The following SMC4 variants were observed in gnomAD, a reference collection of about 807,000 sequenced individuals.
The protein encoded by SMC4 is structural maintenance of chromosomes 4.
SMC4 carries 87 observed loss-of-function variants against 145.6 expected under a neutral mutation model. That is an observed-to-expected ratio of 0.60 (90% CI 0.50 to 0.71). The LOEUF is 0.71. Among genes scored for constraint, SMC4 ranks in the 30% least tolerant of loss-of-function variants. SMC4 has a pLI of 0.00. For missense variants in SMC4, 1,447 were observed against 1,537.1 expected, an observed-to-expected ratio of 0.94 and a Z score of 0.98; for synonymous variants, 558 against 500.7, an observed-to-expected ratio of 1.11 and a Z score of -1.53.
chr3:160,433,740 C>T lies in SMC4; in HGVS notation c.3798C>T (p.Tyr1266=), dbSNP rs748430199. The part of the protein sequence containing the change: ...FEISDRLIGI[Y]KTYNITKSVA... ...TTTCGGATAGACTTATTGGAATTTA[C>T]AAGACATACAACATAACAAAAAGTG... Residue 1266 remains tyrosine, a synonymous_variant, in exon 24 of 24, where the codon TAC becomes TAT. Transcript: ENST00000357388. 6.3e-6 allele frequency: 10 copies of T among 1,598,078 alleles called. No homozygotes were observed. Among genetic ancestry groups the T allele is most frequent in the Middle Eastern group, 1.7e-4 (1 of 6,050 alleles).
chr3:160,427,010 A>C (rs1717862594), intron 17 of SMC4, among the ~76,000 whole-genome samples: 1 of 152,208 alleles, frequency 6.6e-6, no homozygotes, highest in Admixed American at 6.5e-5. Flanking sequence ...GCGATTATCC[A>C]ACTGCTCCAA....
chr3:160,421,361 T>C (rs1350539364), intron 13 of SMC4, among the ~76,000 whole-genome samples: 1 of 152,198 alleles, frequency 6.6e-6, no homozygotes, highest in Non-Finnish European at 1.5e-5. Flanking sequence ...TTATAAAAAA[T>C]TGTTTGACAT....
At chr3:160,430,317 A>AT (rs1271432444) in intron 18 of SMC4, among the ~76,000 whole-genome samples, 1 of 152,220 alleles carries the variant, frequency 6.6e-6, no homozygotes, top group Non-Finnish European at 1.5e-5. Context: ...TGACAAAAGA[A>AT]TTTGATAATC....
chr3:160,402,792 A>G lies in SMC4; in HGVS notation c.435A>G (p.Leu145=). The G allele has an allele frequency of 3.1e-6, 5 of 1,610,540 alleles. No homozygotes were observed. The highest frequency in any genetic ancestry group is 4.2e-6 in the Non-Finnish European group (5 of 1,179,210). ...TAAGATCTAAAAAACTCTCAGTATTAATACATAATTCTGATGAACACAAGG... is the reference window on the plus strand; with the variant it reads ...TAAGATCTAAAAAACTCTCAGTATTGATACATAATTCTGATGAACACAAGG... ...QKIRSKKLSV[L]IHNSDEHKDI... The change falls in exon 4 of 24, where the codon TTA becomes TTG. Residue 145 remains leucine (L), a synonymous_variant. Coordinates refer to ENST00000357388, the MANE Select transcript of SMC4 (RefSeq NM_001002800.3).
intron 7 of SMC4, chr3:160,412,765 C>T (rs1430779420): frequency 8.0e-6 from 7 of 872,350 alleles, no homozygotes; most frequent in South Asian, 4.6e-5. Context: ...CCTGTCATCC[C>T]GTTGATCACC....
chr3:160,412,901 T>C, intron 7 of SMC4: 1 of 735,856 alleles, frequency 1.4e-6, no homozygotes, highest in Non-Finnish European at 1.7e-6. Context: ...GTGTGCACTT[T>C]TTAAAATTCG....
At chr3:160,427,557 T>C (rs2108498171) in intron 17 of SMC4, among the ~76,000 whole-genome samples, 1 of 152,310 alleles carries the variant, frequency 6.6e-6, no homozygotes, top group South Asian at 2.1e-4. Flanking sequence ...TGCAAGAGTC[T>C]ATATGTGTTT....
intron 5 of SMC4, among the ~76,000 whole-genome samples, chr3:160,409,261 G>A (rs1236287990): frequency 9.2e-5 from 7 of 76,026 alleles, no homozygotes; most frequent in Admixed American, 4.1e-4. Context: ...GCGAAACTCC[G>A]TCTCAAAAAA....
intron 8 of SMC4, 121 bp downstream of exon 8, chr3:160,413,734 G>T (rs1216281722): frequency 8.0e-5 from 48 of 599,662 alleles, no homozygotes; most frequent in Middle Eastern, 4.9e-4. Context: ...TCAAGTGGTG[G>T]CCCCCTTAGT....
chr3:160,415,521 C>T (rs1223915983), intron 9 of SMC4, among the ~76,000 whole-genome samples: 1 of 152,208 alleles, frequency 6.6e-6, no homozygotes, highest in Non-Finnish European at 1.5e-5. Context: ...TTAGGCTCTA[C>T]TTTACGCTAT....
chr3:160,417,652 G>T (rs1716729006), intron 10 of SMC4, 71 bp from the exon 11 acceptor site: 2 of 1,155,608 alleles, frequency 1.7e-6, no homozygotes, highest in South Asian at 1.3e-5. Context: ...AATATAAAAT[G>T]TATGGTTTCA....
intron 5 of SMC4, chr3:160,404,707 C>A (rs377188987): frequency 1.4e-6 from 1 of 709,362 alleles, no homozygotes; most frequent in Non-Finnish European, 2.7e-6. Flanking sequence ...TTTTCATCAT[C>A]AGATGTTCGT....
At chr3:160,412,940 TTA>T (rs1716170313) in intron 7 of SMC4, 2 of 375,686 alleles carry the variant, frequency 5.3e-6, no homozygotes, top group African/African-American at 4.4e-5. Context: ...TTTTTTCAGC[TTA>T]TGATGAACTG....
At chr3:160,420,620 C>G in intron 12 of SMC4, 120 bp from the exon 13 acceptor site, 2 of 975,062 alleles carry the variant, frequency 2.1e-6, no homozygotes, top group Non-Finnish European at 3.1e-6. Flanking sequence ...CCCTTTTGTT[C>G]TCTTTAAAAC....
intron 15 of SMC4, among the ~76,000 whole-genome samples, chr3:160,424,364 G>C (rs895605880): frequency 6.6e-6 from 1 of 152,006 alleles, no homozygotes; most frequent in Non-Finnish European, 1.5e-5. Flanking sequence ...TTAAGTATTT[G>C]AATGCTGTAC....
chr3:160,420,766 A>T lies in SMC4; in HGVS notation c.1884A>T (p.Lys628Asn), dbSNP rs200283986. The T allele has an allele frequency of 1.2e-6, 2 of 1,613,804 alleles. No individual in the cohort carries two copies. Among genetic ancestry groups the T allele is most frequent in the African/African-American group, 2.7e-5 (2 of 75,046 alleles). Residue 628 changes from lysine (K) to asparagine (N), a missense_variant, in exon 13 of 24, where the codon AAA becomes AAT. Physicochemically the swap from Lys to Asn is moderately conservative, Grantham distance 94. Coordinates refer to ENST00000357388, the MANE Select transcript of SMC4 (RefSeq NM_001002800.3). ...GGGACTTAGGAGCCATTGATGAAAA[A>T]TACGACGTGGCTATATCATCCTGTT... ...RLGDLGAIDE[K>N]YDVAISSCCH...
Position 160,428,787 on chromosome 3 carries a change from A to G in SMC4, c.2640A>G (p.Val880=). ...YDAVAEKAGK[V]EAEVKRLHNT... ...CTGTGGCTGAGAAAGCTGGTAAAGT[A>G]GAAGCTGAGGTTAAACGCTTACACA... Residue 880 remains valine (V), a synonymous_variant, in exon 18 of 24, where the codon GTA becomes GTG. Coordinates refer to ENST00000357388, the MANE Select transcript of SMC4 (RefSeq NM_001002800.3). The G allele has an allele frequency of 6.3e-7, 1 of 1,593,212 alleles. No individual in the cohort carries two copies. The highest frequency in any genetic ancestry group is 1.7e-4 in the Middle Eastern group (1 of 6,016).
Position 160,402,660 on chromosome 3 carries a change from T to C in SMC4, c.319-16T>C. On this transcript the variant is annotated splice_polypyrimidine_tract_variant and intron_variant, in intron 3 of 23. Coordinates refer to ENST00000357388, the MANE Select transcript of SMC4 (RefSeq NM_001002800.3). ...TATGAACTTTTCCGTGTTTTGTTTT[T>C]GTTTTTTTAATGCAGCGCTTTTCCT... 1.3e-6 allele frequency: 2 copies of C among 1,593,526 alleles called. No individual in the cohort carries two copies. The highest frequency in any genetic ancestry group is 8.5e-7 in the Non-Finnish European group (1 of 1,175,146).
In SMC4 at chr3:160,402,856, A is replaced by G. The variant is rs751237795; in HGVS notation, c.499A>G (p.Ile167Val). The G allele has an allele frequency of 8.0e-5, 125 of 1,567,596 alleles. No homozygotes were observed. In the South Asian group the frequency reaches 1.1e-3, roughly 14 times the overall value. ...SCTVEVHFQK[I>V]IDKEGDDYEV... ...TACAGTAGAAGTTCATTTTCAAAAG[A>G]TAATTGATAAGGTAAGGGATTTTTA... Residue 167 changes from isoleucine (I) to valine (V), a missense_variant, in exon 4 of 24, where the codon ATA becomes GTA. Coordinates refer to ENST00000357388, the MANE Select transcript of SMC4 (RefSeq NM_001002800.3).
Sources: allele counts gnomAD v4.1 joint callset (sites outside exome capture counted in the v4.1 genomes callset), GRCh38; gene constraint gnomAD v4.1.1; transcripts MANE v1.5; gene names NCBI Gene and HGNC (gene_info 2026-07-23, HGNC 2026-07-21).